The following KIFC1 variants were observed in gnomAD, a reference collection of about 807,000 sequenced individuals.
KIFC1 encodes kinesin family member C1.
Under a neutral mutation model 66.6 loss-of-function variants are expected in KIFC1, and 37 were observed. The observed-to-expected ratio is 0.56, with a 90% confidence interval of 0.43 to 0.73. The LOEUF is 0.73. KIFC1 is among the 30% of genes least tolerant of loss of function. The probability of loss-of-function intolerance (pLI) is 0.00; values close to 1 mark genes in which losing one functional copy is unlikely to be tolerated. For synonymous variants in KIFC1, 325 were observed against 343.5 expected, an observed-to-expected ratio of 0.95 and a Z score of 0.60; for missense variants, 721 against 859.8, an observed-to-expected ratio of 0.84 and a Z score of 2.02.
At position 33,404,152 on chromosome 6, in the gene KIFC1, A is replaced by C; in HGVS notation, c.756+23A>C. ...GAGGTAAGGGCCAGATTTTCACCAG[A>C]TGTCAGCCCCGCTTTCCTGGCAGAG... On this transcript the variant is annotated intron_variant, in intron 6 of 10. Transcript: ENST00000428849. The surrounding 1 kb of genome is among the most constrained non-coding windows in gnomAD (Gnocchi z 4.0). The C allele has an allele frequency of 6.3e-7, 1 of 1,584,714 alleles. No homozygotes were observed. The highest frequency in any genetic ancestry group is 8.6e-7 in the Non-Finnish European group (1 of 1,164,354).
intron 1 of KIFC1, among the ~76,000 whole-genome samples, chr6:33,396,319 A>G (rs1438046987): frequency 1.3e-5 from 2 of 152,176 alleles, no homozygotes; most frequent in African/African-American, 4.8e-5. Context: ...CTTGAACTCA[A>G]AGTTCAAAGC....
intron 10 of KIFC1, chr6:33,407,140 AG>A: frequency 2.6e-6 from 3 of 1,171,538 alleles, no homozygotes; most frequent in Non-Finnish European, 3.4e-6. Context: ...TGGGCGTAGT[AG>A]CTCATGCCTA....
chr6:33,392,161 G>C (rs1322470790), intron 1 of KIFC1, among the ~76,000 whole-genome samples, 164 bp downstream of exon 1: 1 of 152,218 alleles, frequency 6.6e-6, no homozygotes, highest in Non-Finnish European at 1.5e-5. Context: ...GGCAGGAGTG[G>C]AGACGGCTTA....
chr6:33,397,224 G>A lies in KIFC1; in HGVS notation c.13-805G>A, dbSNP rs560304091. Among the ~76,000 whole-genome samples the A allele has an allele frequency of 5.7e-4, 85 of 149,686 alleles. No individual in the cohort carries two copies. The South Asian group carries it at 0.013, about 23-fold the overall frequency. The stretch of plus-strand genomic sequence containing the variant: ...ACTCCTGACCTCAAGTAATCTGCCC[G>A]CCTCAGCCTCCCAAAATGCTGGAAT... On this transcript the variant is annotated intron_variant, in intron 1 of 10. Coordinates refer to ENST00000428849, the MANE Select transcript of KIFC1 (RefSeq NM_002263.4).
At chr6:33,398,454 T>A in intron 3 of KIFC1, 67 bp downstream of exon 3, 4 of 1,179,046 alleles carry the variant, frequency 3.4e-6, no homozygotes, top group Non-Finnish European at 5.0e-6. Context: ...CACTTGTTTC[T>A]TTTCTTTCAA....
chr6:33,406,716 GA>G lies in KIFC1; in HGVS notation c.1901+52del. On this transcript the variant is annotated intron_variant, in intron 9 of 10. Transcript: ENST00000428849. This position sits in a 1 kb window ranked among gnomAD's most constrained non-coding sequence, Gnocchi z 4.5. ...GGTCAGGTAGGAACTGTGTTGGGGTGAGGGGTAGAAAGGGGAACAGTGGAGA... is the reference window on the plus strand; with the variant it reads ...GGTCAGGTAGGAACTGTGTTGGGGTGGGGGTAGAAAGGGGAACAGTGGAGA... 6.2e-7 allele frequency: 1 copy of G among 1,611,884 alleles called. No individual in the cohort carries two copies.
rs1246122780 is a variant in KIFC1, at chr6:33,403,750, C to T, written c.377C>T (p.Ala126Val). ...KSGTSGVPPMAGGKKPSKRPA... is the reference protein window; with the variant it reads ...KSGTSGVPPMVGGKKPSKRPA... ...TTAGCATCAGGTGTTCCTCCCATGG[C>T]AGGAGGGAAGAAACCCAGCAAACGT... The change falls in exon 6 of 11, where the codon GCA (alanine) becomes GTA (valine). Residue 126 changes from alanine (A) to valine (V), a missense_variant. By Grantham distance (64) the Ala-to-Val change is moderately conservative. Coordinates refer to ENST00000428849, the MANE Select transcript of KIFC1 (RefSeq NM_002263.4). The surrounding 1 kb of genome is among the most constrained non-coding windows in gnomAD (Gnocchi z 4.6). 8 of 1,613,078 alleles carry T rather than the reference C, an allele frequency of 5.0e-6. No homozygotes were observed. In the South Asian group the frequency reaches 7.7e-5, roughly 16 times the overall value.
In KIFC1 at chr6:33,409,680, A is replaced by G; in HGVS notation, c.2012A>G (p.Asn671Ser). The change falls in exon 11 of 11, where the codon AAC becomes AGC. Residue 671 changes from asparagine (N) to serine (S), a missense_variant. Physicochemically the swap from Asn to Ser is conservative, Grantham distance 46. Transcript: ENST00000428849. ...NQCVIGTAQANRK is the reference protein window; with the variant it reads ...NQCVIGTAQASRK Reference sequence around the variant, plus strand: ...TGTGTTATTGGTACTGCTCAGGCCAACAGGAAGTGAAGACGGATCCAGATC... The same window carrying G: ...TGTGTTATTGGTACTGCTCAGGCCAGCAGGAAGTGAAGACGGATCCAGATC... 1.2e-6 allele frequency: 2 copies of G among 1,607,302 alleles called. No homozygotes were observed. Among genetic ancestry groups the G allele is most frequent in the Non-Finnish European group, 1.7e-6 (2 of 1,177,952 alleles).
chr6:33,409,161 G>A (rs745324138), intron 10 of KIFC1, among the ~76,000 whole-genome samples: 1 of 152,112 alleles, frequency 6.6e-6, no homozygotes, highest in Non-Finnish European at 1.5e-5. Flanking sequence ...GCAAGACTCC[G>A]TCTCAACAAC....
intron 1 of KIFC1, among the ~76,000 whole-genome samples, chr6:33,393,652 G>C (rs1232013723): frequency 6.6e-6 from 1 of 151,168 alleles, no homozygotes; most frequent in Non-Finnish European, 1.5e-5. Context: ...ATGTTGCCCA[G>C]GCTGGTCTGG....
intron 2 of KIFC1, 33 bp downstream of exon 2, chr6:33,398,199 T>G: frequency 1.2e-6 from 2 of 1,613,742 alleles, no homozygotes; most frequent in Non-Finnish European, 8.5e-7. Context: ...TGCATGTGTG[T>G]GGGGGGTGTG....
intron 1 of KIFC1, among the ~76,000 whole-genome samples, chr6:33,392,740 G>A (rs2151079445): frequency 6.6e-6 from 1 of 152,266 alleles, no homozygotes; most frequent in South Asian, 2.1e-4. Flanking sequence ...CCTGAAGTTA[G>A]GATTCAGCCT....
rs553183476 is a variant in KIFC1 at position 33,400,947 on chromosome 6, C to T, written c.251-2367C>T. ...GATTACAGGCGTGAGCCACTGCGCC[C>T]GGCTAACTTTTTGACTCTTGTAATA... On this transcript the variant is annotated intron_variant, in intron 3 of 10. Coordinates refer to ENST00000428849, the MANE Select transcript of KIFC1 (RefSeq NM_002263.4). This position sits in a 1 kb window ranked among gnomAD's most constrained non-coding sequence, Gnocchi z 4.3. Among the ~76,000 whole-genome samples, 33 of 152,252 alleles carry T rather than the reference C, an allele frequency of 2.2e-4. No homozygotes were observed. The highest frequency in any genetic ancestry group is 1.8e-3 in the Admixed American group (27 of 15,298).
chr6:33,405,061 G>A lies in KIFC1; in HGVS notation c.966G>A (p.Pro322=), dbSNP rs116903030. The A allele has an allele frequency of 9.9e-5, 159 of 1,613,898 alleles. No homozygotes were observed. Among genetic ancestry groups the A allele is most frequent in the Non-Finnish European group, 1.3e-4 (149 of 1,179,964 alleles). Residue 322 remains proline (P), a synonymous_variant, in exon 7 of 11, where the codon CCG becomes CCA. Transcript: ENST00000428849. This position sits in a 1 kb window ranked among gnomAD's most constrained non-coding sequence, Gnocchi z 5.4. ...TCTGCCGGGTCCGCCCTGTCCTGCC[G>A]GGGGAGCCCACTCCACCCCCTGGCC... ...RVFCRVRPVL[P]GEPTPPPGLL... is the part of the protein sequence containing the mutation.
Position 33,405,294 on chromosome 6 carries a change from A to C in KIFC1, c.1199A>C (p.Asp400Ala). 6.2e-7 allele frequency: 1 copy of C among 1,614,168 alleles called. No individual in the cohort carries two copies. The highest frequency in any genetic ancestry group is 2.2e-5 in the East Asian group (1 of 44,870). The part of the protein sequence containing the change: ...EIAMLVQSAL[D>A]GYPVCIFAYG... ...GCCATGCTTGTCCAGTCAGCCCTGG[A>C]TGGCTATCCAGTATGCATCTTTGCC... Residue 400 changes from aspartate (D) to alanine (A), a missense_variant, in exon 7 of 11, where the codon GAT (aspartate) becomes GCT (alanine). Asp to Ala is a moderately radical substitution (Grantham distance 126). Coordinates refer to ENST00000428849, the MANE Select transcript of KIFC1 (RefSeq NM_002263.4). This position sits in a 1 kb window ranked among gnomAD's most constrained non-coding sequence, Gnocchi z 5.4.
chr6:33,400,576 G>T lies in KIFC1; in HGVS notation c.250+2189G>T. 8.0e-7 allele frequency: 1 copy of T among 1,247,560 alleles called. No individual in the cohort carries two copies. Among genetic ancestry groups the T allele is most frequent in the Non-Finnish European group, 1.2e-6 (1 of 864,326 alleles). The allele number at this position is 1,247,560 out of a possible 1,614,324, so 77.3% of individuals were successfully genotyped here. On this transcript the variant is annotated intron_variant, in intron 3 of 10. Transcript: ENST00000428849. The surrounding 1 kb of genome is among the most constrained non-coding windows in gnomAD (Gnocchi z 4.3). ...TGGCATGGTGGAGGCAGCTGGTGTC[G>T]GATGAACCCAGATTCAGGATGACCG... is the stretch of plus-strand genomic sequence containing the variant.
chr6:33,396,809 G>A (rs1775066684), intron 1 of KIFC1, among the ~76,000 whole-genome samples: 1 of 151,376 alleles, frequency 6.6e-6, no homozygotes, highest in South Asian at 2.1e-4. Context: ...AGCCTCCCCA[G>A]GAGCTGGGAC....
chr6:33,409,320 A>G (rs1775799574), intron 10 of KIFC1, among the ~76,000 whole-genome samples: 1 of 152,106 alleles, frequency 6.6e-6, no homozygotes, highest in Non-Finnish European at 1.5e-5. Flanking sequence ...AATGGGTGTT[A>G]TTACTATTTT....
Position 33,404,281 on chromosome 6 carries a change from A to ACCT in KIFC1, c.756+153_756+155dup, listed in dbSNP as rs1264155073. ...TGCTGCTGAAGATACCTCTCTCTTGACCTGTCTGCACCCCAGCCCACTCCT... is the reference window on the plus strand; with the variant it reads ...TGCTGCTGAAGATACCTCTCTCTTGACCTCCTGTCTGCACCCCAGCCCACTCCT... On this transcript the variant is annotated intron_variant, in intron 6 of 10. Coordinates refer to ENST00000428849, the MANE Select transcript of KIFC1 (RefSeq NM_002263.4). The surrounding 1 kb of genome is among the most constrained non-coding windows in gnomAD (Gnocchi z 4.0). 3.4e-6 allele frequency: 2 copies of ACCT among 587,552 alleles called. No homozygotes were observed. The highest frequency in any genetic ancestry group is 5.7e-6 in the Non-Finnish European group (2 of 352,866). 36.4% of individuals were successfully genotyped at this position (587,552 alleles called of 1,614,324 possible). A position where few individuals can be genotyped will look rare whatever the true frequency, so the allele number is the denominator to read the frequency against.
Sources: gnomAD v4.1 joint callset for allele counts (sites outside exome capture counted in the v4.1 genomes callset) on GRCh38, gnomAD v4.1.1 for gene constraint, Gnocchi (gnomAD v3.1) non-coding constraint, MANE v1.5 for transcripts, NCBI Gene and HGNC (gene_info 2026-07-23, HGNC 2026-07-21) for gene names.